The following TESC variants were observed in gnomAD, a reference collection of about 807,000 sequenced individuals.
TESC encodes the protein calcineurin B homologous protein 3.
A neutral mutation model predicts 31.0 loss-of-function variants in TESC; 19 were observed. The observed-to-expected ratio is 0.61, with a 90% CI of 0.43 to 0.90. The LOEUF (loss-of-function observed/expected upper bound fraction) is 0.90. Ranked by LOEUF, TESC falls within the 40% of genes least tolerant of loss-of-function variation. The pLI, the probability that TESC is intolerant of heterozygous loss-of-function variation, is 0.00. For synonymous variants in TESC, 109 were observed against 114.8 expected, an observed-to-expected ratio of 0.95 and a Z score of 0.32; for missense variants, 248 against 303.8, an observed-to-expected ratio of 0.82 and a Z score of 1.36.
At chr12:117,098,193 A>G (rs1438588423) in intron 1 of TESC, among the ~76,000 whole-genome samples, 1 of 152,240 alleles carries the variant, frequency 6.6e-6, no homozygotes, top group East Asian at 1.9e-4. Context: ...AGCAGGTGCC[A>G]GGAGCTAGCT....
chr12:117,085,498 G>A lies in TESC; in HGVS notation c.59-10158C>T, dbSNP rs552533086. On this transcript the variant is annotated intron_variant, in intron 1 of 7. Coordinates refer to ENST00000335209, the MANE Select transcript of TESC (RefSeq NM_017899.4). Reference sequence around the variant, plus strand: ...GCTGAGAGCCTTCTCCCGTGCCCCAGGGACTCCCCAAGCCACCCTGCCTCC... The same window carrying A: ...GCTGAGAGCCTTCTCCCGTGCCCCAAGGACTCCCCAAGCCACCCTGCCTCC... 9.3e-4 allele frequency among the ~76,000 whole-genome samples: 141 copies of A among 152,264 alleles called. 2 individuals carry two copies. The South Asian group carries it at 0.029, about 31-fold the overall frequency.
chr12:117,067,281 G>C (rs1208918757), intron 2 of TESC, among the ~76,000 whole-genome samples: 1 of 152,098 alleles, frequency 6.6e-6, no homozygotes, highest in African/African-American at 2.4e-5. Flanking sequence ...AAAAGCTGTC[G>C]AGGCCAGGCA....
chr12:117,099,157 G>C, intron 1 of TESC, 68 bp downstream of exon 1: 1 of 1,423,468 alleles, frequency 7.0e-7, no homozygotes, highest in South Asian at 1.4e-5. Flanking sequence ...GCGGCGGGCC[G>C]GGGTCCCCAA....
intron 7 of TESC, among the ~76,000 whole-genome samples, chr12:117,040,112 TCAGAGCCCCGTGGGCACC>T (rs1435982576): frequency 3.9e-5 from 6 of 152,192 alleles, no homozygotes; most frequent in African/African-American, 1.4e-4. Context: ...CGGGGGAAAG[TCAGAGCCCCGTGGGCACC>T]CAGGCGACAG....
intron 3 of TESC, among the ~76,000 whole-genome samples, chr12:117,054,570 G>A (rs900446374): frequency 1.3e-5 from 2 of 152,132 alleles, no homozygotes; most frequent in African/African-American, 4.8e-5. Flanking sequence ...TCTCTCGCCA[G>A]GCCTTGCCCC....
intron 1 of TESC, among the ~76,000 whole-genome samples, chr12:117,096,823 T>C (rs1414012745): frequency 6.6e-6 from 1 of 152,186 alleles, no homozygotes; most frequent in African/African-American, 2.4e-5. Flanking sequence ...TTATTTACTG[T>C]TGCTGGCTTG....
intron 1 of TESC, among the ~76,000 whole-genome samples, chr12:117,084,461 C>T (rs1296584449): frequency 1.3e-5 from 2 of 152,152 alleles, no homozygotes; most frequent in African/African-American, 2.4e-5. Flanking sequence ...GGCAGAAATC[C>T]GCTGGGTTAA....
At chr12:117,075,931 A>G (rs1242339331) in intron 1 of TESC, among the ~76,000 whole-genome samples, 7 of 109,786 alleles carry the variant, frequency 6.4e-5, no homozygotes, top group East Asian at 2.3e-4. Flanking sequence ...GTGTATATAT[A>G]TATATATATG....
At chr12:117,069,445 G>A (rs1001629497) in intron 2 of TESC, among the ~76,000 whole-genome samples, 2 of 152,100 alleles carry the variant, frequency 1.3e-5, no homozygotes, top group African/African-American at 4.8e-5. Context: ...CACCATGTTG[G>A]CCAGGCTGGT....
At position 117,049,025 on chromosome 12, in the gene TESC, G is replaced by A; in HGVS notation, c.343C>T (p.Leu115=). Residue 115 remains leucine, a synonymous_variant, in exon 4 of 8, where the codon CTG becomes TTG. Coordinates refer to ENST00000335209, the MANE Select transcript of TESC (RefSeq NM_017899.4). ...GGGACTCAGTGGCACGCACATCTCA[G>A]CTTCTCCTTCCGGGACAGCTCCACC... ...EQVELSRKEK[L]RFLFHMYDSD... The A allele has an allele frequency of 6.2e-7, 1 of 1,614,196 alleles. No individual in the cohort carries two copies. The highest frequency in any genetic ancestry group is 8.5e-7 in the Non-Finnish European group (1 of 1,180,030).
At chr12:117,063,500 T>G (rs1332235995) in intron 2 of TESC, among the ~76,000 whole-genome samples, 1 of 152,014 alleles carries the variant, frequency 6.6e-6, no homozygotes, top group Non-Finnish European at 1.5e-5. Context: ...TCCGGTGGCT[T>G]TCGGAGCCCA....
chr12:117,075,399 A>G, intron 1 of TESC, 59 bp from the exon 2 acceptor site: 2 of 1,577,890 alleles, frequency 1.3e-6, no homozygotes, highest in African/African-American at 2.7e-5. Flanking sequence ...TGACTGTCAG[A>G]GGGAGGCTGC....
At chr12:117,064,915 C>G (rs1260700048) in intron 2 of TESC, among the ~76,000 whole-genome samples, 2 of 152,244 alleles carry the variant, frequency 1.3e-5, no homozygotes, top group Admixed American at 1.3e-4. Context: ...AATCATCCAG[C>G]CCCAGAGCCC....
At chr12:117,055,818 T>C (rs186353588) in intron 3 of TESC, among the ~76,000 whole-genome samples, 4 of 152,218 alleles carry the variant, frequency 2.6e-5, no homozygotes, top group Admixed American at 2.6e-4. Flanking sequence ...CTGAAGCTCA[T>C]GAGGCTTTGA....
At chr12:117,087,169 T>A (rs1450114853) in intron 1 of TESC, among the ~76,000 whole-genome samples, 2 of 152,342 alleles carry the variant, frequency 1.3e-5, no homozygotes, top group Non-Finnish European at 2.9e-5. Context: ...AGATCACTCT[T>A]AGCTGCTGGG....
intron 1 of TESC, among the ~76,000 whole-genome samples, chr12:117,085,361 C>T (rs926773886): frequency 5.9e-5 from 9 of 152,112 alleles, no homozygotes; most frequent in African/African-American, 1.9e-4. Context: ...CAATAGACAG[C>T]GTGGGTGTGG....
intron 2 of TESC, among the ~76,000 whole-genome samples, chr12:117,061,957 A>G (rs982422320): frequency 1.3e-5 from 2 of 152,220 alleles, no homozygotes; most frequent in Non-Finnish European, 2.9e-5. Flanking sequence ...GGGGCTAATG[A>G]GATGATCAAA....
chr12:117,042,877 A>G (rs1244547305), intron 6 of TESC, among the ~76,000 whole-genome samples: 1 of 152,178 alleles, frequency 6.6e-6, no homozygotes, highest in Non-Finnish European at 1.5e-5. Context: ...CTAGTGTTCC[A>G]TTACTGGAAC....
chr12:117,095,558 A>G (rs1341827454), intron 1 of TESC, among the ~76,000 whole-genome samples: 1 of 152,172 alleles, frequency 6.6e-6, no homozygotes, highest in Non-Finnish European at 1.5e-5. Context: ...GCAGCTACAC[A>G]CAGTGAAAGC....
Sources: gnomAD v4.1 joint callset for allele counts (sites outside exome capture counted in the v4.1 genomes callset) on GRCh38, gnomAD v4.1.1 for gene constraint, MANE v1.5 for transcripts, NCBI Gene and HGNC (gene_info 2026-07-23, HGNC 2026-07-21) for gene names.